NRG3: variants seen among roughly 807,000 people sequenced by gnomAD.
The protein encoded by NRG3 is neuregulin 3.
In NRG3, 31 loss-of-function variants were observed where a neutral mutation model predicts 66.9. The ratio of observed to expected loss-of-function variants is 0.46; its 90% CI spans 0.35 to 0.63. The LOEUF (loss-of-function observed/expected upper bound fraction) is 0.63. Ranked by LOEUF, NRG3 falls within the 20% of genes least tolerant of loss-of-function variation. The pLI, the probability that NRG3 is intolerant of heterozygous loss-of-function variation, is 0.00. For synonymous variants in NRG3, 393 were observed against 359.4 expected (o/e 1.09, Z -1.06); for missense variants, 910 against 878.9 (o/e 1.04, Z -0.45).
chr10:82,560,901 T>C (rs1204271288), intron 2 of NRG3, among the ~76,000 whole-genome samples: 1 of 152,172 alleles, frequency 6.6e-6, no homozygotes, highest in East Asian at 1.9e-4. Flanking sequence ...GCATGAGTCT[T>C]ATAGGTCCCT....
chr10:82,451,102 G>C (rs1212243839), intron 2 of NRG3, among the ~76,000 whole-genome samples: 2 of 152,204 alleles, frequency 1.3e-5, no homozygotes, highest in African/African-American at 4.8e-5. Flanking sequence ...ATGTGTGCCA[G>C]ATGGTGGTCT....
chr10:82,787,047 A>G (rs145961242), intron 3 of NRG3, among the ~76,000 whole-genome samples: 3 of 152,282 alleles, frequency 2.0e-5, no homozygotes, highest in Non-Finnish European at 4.4e-5. Flanking sequence ...ATTTTCTGTT[A>G]TTATCAGCAC....
chr10:82,220,756 T>G (rs2133771061), intron 1 of NRG3, among the ~76,000 whole-genome samples: 1 of 152,288 alleles, frequency 6.6e-6, no homozygotes, highest in Admixed American at 6.5e-5. Flanking sequence ...TAGCCTGTAG[T>G]CCTAGCTACT....
chr10:82,143,668 C>T (rs2132672606), intron 1 of NRG3, among the ~76,000 whole-genome samples: 2 of 152,208 alleles, frequency 1.3e-5, no homozygotes, highest in Middle Eastern at 6.8e-3. Flanking sequence ...CATTTACCAC[C>T]CTTAGTTTAT....
rs1286776128 is a variant in NRG3 at position 82,048,269 on chromosome 10, T to C, written c.823+172106T>C. Reference sequence around the variant, plus strand: ...AGGACCTAATAGACATCTACAGAACTCTCCACCCCAAATCAACAGAATATA... The same window carrying C: ...AGGACCTAATAGACATCTACAGAACCCTCCACCCCAAATCAACAGAATATA... On this transcript the variant is annotated intron_variant, in intron 1 of 8. Transcript: ENST00000372141. 3.3e-5 allele frequency among the ~76,000 whole-genome samples: 5 copies of C among 151,986 alleles called. No individual in the cohort carries two copies. In the East Asian group the frequency reaches 7.8e-4, roughly 24 times the overall value.
chr10:82,809,740 G>T (rs886738747), intron 3 of NRG3, among the ~76,000 whole-genome samples: 4 of 152,052 alleles, frequency 2.6e-5, no homozygotes, highest in Non-Finnish European at 5.9e-5. Context: ...TGACACTAGA[G>T]AATTTTTATG....
At chr10:82,895,162 G>C (rs1330213670) in intron 4 of NRG3, among the ~76,000 whole-genome samples, 2 of 152,066 alleles carry the variant, frequency 1.3e-5, no homozygotes, top group African/African-American at 2.4e-5. Flanking sequence ...CTAGTTTTAT[G>C]ATTCATTTCT....
intron 2 of NRG3, among the ~76,000 whole-genome samples, chr10:82,468,681 G>A (rs1389847158): frequency 6.6e-6 from 1 of 152,190 alleles, no homozygotes; most frequent in Non-Finnish European, 1.5e-5. Flanking sequence ...ATAGTCTGCT[G>A]GCGCTGCAGC....
intron 2 of NRG3, among the ~76,000 whole-genome samples, chr10:82,392,568 G>A (rs181353196): frequency 1.3e-5 from 2 of 152,250 alleles, no homozygotes; most frequent in East Asian, 3.9e-4. Context: ...TAGGCTAAGA[G>A]CATTAAAACT....
At chr10:82,596,691 T>C (rs2047301767) in intron 2 of NRG3, among the ~76,000 whole-genome samples, 1 of 152,182 alleles carries the variant, frequency 6.6e-6, no homozygotes, top group Non-Finnish European at 1.5e-5. Flanking sequence ...ACTTCTCCTC[T>C]CTACCACTCT....
intron 2 of NRG3, among the ~76,000 whole-genome samples, chr10:82,674,019 C>T (rs775321721): frequency 7.2e-5 from 11 of 152,004 alleles, no homozygotes; most frequent in Non-Finnish European, 1.6e-4. Context: ...AACAGTGTTG[C>T]TGGGCAACGT....
intron 2 of NRG3, among the ~76,000 whole-genome samples, chr10:82,707,970 C>T (rs1236827646): frequency 6.6e-6 from 1 of 151,628 alleles, no homozygotes; most frequent in African/African-American, 2.4e-5. Context: ...TACAGTGAGC[C>T]AGGATCACGC....
At chr10:82,061,124 G>A (rs952915150) in intron 1 of NRG3, among the ~76,000 whole-genome samples, 6 of 152,138 alleles carry the variant, frequency 3.9e-5, no homozygotes, top group Middle Eastern at 3.2e-3. Flanking sequence ...AGGCAGAGGC[G>A]GGTGGATCAC....
intron 2 of NRG3, among the ~76,000 whole-genome samples, chr10:82,390,628 T>C (rs2086296015): frequency 6.6e-6 from 1 of 152,170 alleles, no homozygotes; most frequent in South Asian, 2.1e-4. Flanking sequence ...AACCACCTAA[T>C]TGAAGAAAGT....
intron 3 of NRG3, among the ~76,000 whole-genome samples, chr10:82,830,679 C>T (rs2062472885): frequency 6.6e-6 from 1 of 152,134 alleles, no homozygotes; most frequent in African/African-American, 2.4e-5. Flanking sequence ...TTTGTAATAG[C>T]TAAGCCTCAT....
chr10:82,655,853 A>G (rs1360090420), intron 2 of NRG3, among the ~76,000 whole-genome samples: 4 of 152,188 alleles, frequency 2.6e-5, no homozygotes, highest in Non-Finnish European at 5.9e-5. Flanking sequence ...AGAGATGTAG[A>G]TATAGGACTA....
chr10:82,099,127 A>G (rs935008439), intron 1 of NRG3, among the ~76,000 whole-genome samples: 5 of 152,052 alleles, frequency 3.3e-5, no homozygotes, highest in African/African-American at 1.2e-4. Context: ...TTTTTCTTTC[A>G]TGGATTATGG....
intron 1 of NRG3, among the ~76,000 whole-genome samples, chr10:82,018,857 G>T (rs927345202): frequency 7.9e-5 from 12 of 151,928 alleles, no homozygotes; most frequent in Non-Finnish European, 1.6e-4. Flanking sequence ...GGGTTTTCTA[G>T]ATATACAATC....
chr10:82,233,102 C>T (rs1386847216), intron 1 of NRG3, among the ~76,000 whole-genome samples: 4 of 152,308 alleles, frequency 2.6e-5, no homozygotes, highest in Admixed American at 1.3e-4. Flanking sequence ...CAGTGGCTCA[C>T]GCCTGTAATC....
Sources: gnomAD v4.1 joint callset for allele counts (sites outside exome capture counted in the v4.1 genomes callset) on GRCh38, gnomAD v4.1.1 for gene constraint, MANE v1.5 for transcripts, NCBI Gene and HGNC (gene_info 2026-07-23, HGNC 2026-07-21) for gene names.